Variants in SPRR2G observed in about 807,000 individuals in gnomAD.
SPRR2G encodes small proline-rich protein 2G.
Under a neutral mutation model 0.7 loss-of-function variants are expected in SPRR2G, and 1 was observed. The ratio of observed to expected loss-of-function variants is 1.49; its 90% CI spans 0.53 to 7.06. The LOEUF (loss-of-function observed/expected upper bound fraction) is 7.06. Ranked by LOEUF, SPRR2G falls within the 30% of genes most tolerant of loss-of-function variation. The probability of loss-of-function intolerance (pLI) is 0.14; values close to 1 mark genes in which losing one functional copy is unlikely to be tolerated. For missense variants in SPRR2G, 96 were observed against 88.5 expected (o/e 1.09, Z -0.34); for synonymous variants, 38 against 33.9 (o/e 1.12, Z -0.42).
chr1:153,152,440 T>C (rs1022212811), upstream of SPRR2G, among the ~76,000 whole-genome samples: 1 of 151,950 alleles, frequency 6.6e-6, no homozygotes, highest in African/African-American at 2.4e-5. Context: ...ATCTGCAATG[T>C]TTCAAACTTG....
Position 153,150,085 on chromosome 1 carries a change from T to A in SPRR2G, c.26A>T (p.Lys9Met), listed in dbSNP as rs765160841. The A allele has an allele frequency of 6.2e-7, 1 of 1,612,702 alleles. No individual in the cohort carries two copies. The highest frequency in any genetic ancestry group is 8.5e-7 in the Non-Finnish European group (1 of 1,179,846). MSYQQQQC[K>M]QPCQPPPVCP... is the part of the protein sequence containing the mutation. ...CACAGGAGGTGGCTGGCAGGGCTGCTTGCACTGCTGCTGCTGGTAAGACAT... is the reference window on the plus strand; with the variant it reads ...CACAGGAGGTGGCTGGCAGGGCTGCATGCACTGCTGCTGCTGGTAAGACAT... Residue 9 changes from lysine (K) to methionine (M), a missense_variant, in exon 2 of 2, where the codon AAG becomes ATG. Transcript: ENST00000368748.
At chr1:153,171,686 C>T in the SPRR2G span, among the ~76,000 whole-genome samples, 1 of 152,192 alleles carries the variant, frequency 6.6e-6, no homozygotes, top group Non-Finnish European at 1.5e-5. Context: ...GAACAGCCAC[C>T]TCTCAACTTC....
At chr1:153,193,382 G>C in the SPRR2G span, among the ~76,000 whole-genome samples, 2 of 152,190 alleles carry the variant, frequency 1.3e-5, no homozygotes, top group Non-Finnish European at 1.5e-5. Context: ...CTAGACTGCA[G>C]AGTATTTGTC....
the SPRR2G span, among the ~76,000 whole-genome samples, chr1:153,178,999 C>T: frequency 6.6e-6 from 1 of 152,060 alleles, no homozygotes; most frequent in Non-Finnish European, 1.5e-5. Flanking sequence ...GGAACAGAAC[C>T]AGTTGGAAAT....
chr1:153,187,907 G>C, the SPRR2G span, among the ~76,000 whole-genome samples: 1 of 152,098 alleles, frequency 6.6e-6, no homozygotes, highest in African/African-American at 2.4e-5. Context: ...CCTTTTTGTT[G>C]ATGTTGATGT....
At chr1:153,197,113 G>T in the SPRR2G span, among the ~76,000 whole-genome samples, 1 of 150,582 alleles carries the variant, frequency 6.6e-6, no homozygotes, top group Non-Finnish European at 1.5e-5. Flanking sequence ...CTCCTGAAGT[G>T]GGTCTCACCA....
the SPRR2G span, among the ~76,000 whole-genome samples, chr1:153,164,626 A>G: frequency 6.6e-6 from 1 of 152,334 alleles, no homozygotes; most frequent in Admixed American, 6.5e-5. Context: ...TATAACCTAT[A>G]TACATCCTCT....
At chr1:153,193,594 G>A in the SPRR2G span, among the ~76,000 whole-genome samples, 51 of 152,244 alleles carry the variant, frequency 3.3e-4, no homozygotes, top group South Asian at 0.01. Context: ...AATGTTAAGC[G>A]ATTTCATTTC....
chr1:153,176,644 T>G, the SPRR2G span: 1 of 152,252 alleles, frequency 6.6e-6, no homozygotes, highest in South Asian at 2.1e-4. Flanking sequence ...CATGTCGGTA[T>G]GGGTGTGACA....
At chr1:153,198,475 A>G in the SPRR2G span, among the ~76,000 whole-genome samples, 3 of 152,194 alleles carry the variant, frequency 2.0e-5, no homozygotes, top group Admixed American at 6.5e-5. Flanking sequence ...CTGTGAGAGA[A>G]TGGGGGACCA....
At position 153,150,139 on chromosome 1, in the gene SPRR2G, A is replaced by G. The variant is rs1479535709; in HGVS notation, c.-21-8T>C. The G allele has an allele frequency of 3.1e-6, 5 of 1,610,536 alleles. No homozygotes were observed. The highest frequency in any genetic ancestry group is 4.2e-6 in the Non-Finnish European group (5 of 1,179,830). ...TCCTCAGTCTCAGAGAATCTGAAAG[A>G]TACATACGAAACAGTGCTCATAAGA... is the stretch of plus-strand genomic sequence containing the variant. On this transcript the variant is annotated splice_polypyrimidine_tract_variant and splice_region_variant and intron_variant, in intron 1 of 1. Coordinates refer to ENST00000368748, the MANE Select transcript of SPRR2G (RefSeq NM_001014291.4).
At chr1:153,188,812 C>T in the SPRR2G span, among the ~76,000 whole-genome samples, 3 of 151,772 alleles carry the variant, frequency 2.0e-5, no homozygotes, top group African/African-American at 7.3e-5. Flanking sequence ...TGTAGGCACA[C>T]GAGGGAATAC....
the SPRR2G span, among the ~76,000 whole-genome samples, chr1:153,167,376 A>G: frequency 6.6e-6 from 1 of 152,172 alleles, no homozygotes; most frequent in African/African-American, 2.4e-5. Flanking sequence ...CGGGAGGCTG[A>G]AGCAGGAGAA....
At chr1:153,151,852 T>C (rs772214287), upstream of SPRR2G, among the ~76,000 whole-genome samples, 2 of 152,254 alleles carry the variant, frequency 1.3e-5, no homozygotes, top group Non-Finnish European at 2.9e-5. Context: ...ATAAGTAAAG[T>C]ATAGCTGGCA....
At chr1:153,188,411 G>A in the SPRR2G span, among the ~76,000 whole-genome samples, 1 of 152,182 alleles carries the variant, frequency 6.6e-6, no homozygotes, top group Non-Finnish European at 1.5e-5. Flanking sequence ...ACCCAGTGAG[G>A]AGGAATTTAG....
chr1:153,181,162 G>T, the SPRR2G span, among the ~76,000 whole-genome samples: 4 of 151,658 alleles, frequency 2.6e-5, no homozygotes, highest in Admixed American at 1.3e-4. Flanking sequence ...CACCTTATTG[G>T]TATGCTTTTT....
the SPRR2G span, among the ~76,000 whole-genome samples, chr1:153,165,157 CATGG>C: frequency 0.034 from 5,059 of 149,154 alleles, 85 homozygotes; most frequent in African/African-American, 0.046. Context: ...AGAAAGCAAA[CATGG>C]ATGGATGGAT....
the SPRR2G span, among the ~76,000 whole-genome samples, chr1:153,171,734 C>A: frequency 1.3e-3 from 204 of 152,298 alleles, 2 homozygotes; most frequent in African/African-American, 4.5e-3. Flanking sequence ...CTCCCTGGCA[C>A]AGATAGTGAA....
the SPRR2G span, among the ~76,000 whole-genome samples, chr1:153,178,923 G>A: frequency 3.5e-3 from 535 of 152,252 alleles, 3 homozygotes; most frequent in African/African-American, 0.012. Context: ...ATATGGGAAG[G>A]TTTTAAACTA....
Sources: allele counts gnomAD v4.1 joint callset (sites outside exome capture counted in the v4.1 genomes callset), GRCh38; gene constraint gnomAD v4.1.1; transcripts MANE v1.5; gene names NCBI Gene and HGNC (gene_info 2026-07-23, HGNC 2026-07-21).